The following FAR2 variants were observed in gnomAD, a reference collection of about 807,000 sequenced individuals.
FAR2 encodes epididymis secretory protein Li 81.
FAR2 carries 19 observed loss-of-function variants against 56.0 expected under a neutral mutation model. That is an observed-to-expected ratio of 0.34 (90% confidence interval 0.24 to 0.50). The LOEUF (loss-of-function observed/expected upper bound fraction) is 0.50. Ranked by LOEUF, FAR2 falls within the 20% of genes least tolerant of loss-of-function variation. The pLI is 0.98. For missense variants in FAR2, 508 were observed against 642.2 expected (o/e 0.79, Z 2.26); for synonymous variants, 219 against 218.8 (o/e 1.00, Z -0.01).
chr12:29,307,428 C>G lies in FAR2; in HGVS notation c.546-230C>G, dbSNP rs1949269987. On this transcript the variant is annotated intron_variant, in intron 4 of 11. Transcript: ENST00000536681. ...GCCTGCCTACCTACCTACCTACCTA[C>G]CTATCTGTTTGGATGGGAGGGCATA... Among the ~76,000 whole-genome samples the G allele has an allele frequency of 4.0e-5, 6 of 149,746 alleles. No individual in the cohort carries two copies. The Admixed American group carries it at 4.0e-4, about 10-fold the overall frequency.
At chr12:29,273,567 C>T (rs747619637) in intron 2 of FAR2, among the ~76,000 whole-genome samples, 2 of 152,212 alleles carry the variant, frequency 1.3e-5, no homozygotes, top group African/African-American at 4.8e-5. Context: ...CCTTCCCCTG[C>T]CCAGGGAGCT....
intron 1 of FAR2, among the ~76,000 whole-genome samples, chr12:29,237,974 G>C (rs989803419): frequency 6.6e-6 from 1 of 152,136 alleles, no homozygotes; most frequent in Admixed American, 6.5e-5. Context: ...AATGCACGAT[G>C]TTAAAACATT....
chr12:29,262,684 C>T (rs1242780373), intron 1 of FAR2, among the ~76,000 whole-genome samples: 1 of 151,962 alleles, frequency 6.6e-6, no homozygotes, highest in East Asian at 1.9e-4. Context: ...TTAAATCATA[C>T]AACCAGAGAA....
chr12:29,209,726 G>T (rs1591853395), intron 1 of FAR2, among the ~76,000 whole-genome samples: 1 of 139,320 alleles, frequency 7.2e-6, no homozygotes, highest in South Asian at 2.3e-4. Context: ...GTGTCTGTGT[G>T]TGTAAAAGAA....
chr12:29,229,504 A>T (rs2136649343), intron 1 of FAR2, among the ~76,000 whole-genome samples: 1 of 152,246 alleles, frequency 6.6e-6, no homozygotes, highest in African/African-American at 2.4e-5. Context: ...GTCTGTTTTT[A>T]AAAAAGAAAC....
chr12:29,238,813 C>T (rs904753113), intron 1 of FAR2, among the ~76,000 whole-genome samples: 12 of 152,126 alleles, frequency 7.9e-5, no homozygotes, highest in Admixed American at 4.6e-4. Flanking sequence ...AATAAGCCAA[C>T]TAAGGAAACT....
At chr12:29,312,047 G>A in intron 8 of FAR2, 97 bp downstream of exon 8, 1 of 816,570 alleles carries the variant, frequency 1.2e-6, no homozygotes, top group Non-Finnish European at 2.0e-6. Context: ...TATATGGGGA[G>A]AAAGACAAAA....
Position 29,226,938 on chromosome 12 carries a change from G to A in FAR2, c.-38-43474G>A, listed in dbSNP as rs547104257. Among the ~76,000 whole-genome samples, 5 of 152,266 alleles carry A rather than the reference G, an allele frequency of 3.3e-5. No individual in the cohort carries two copies. In the East Asian group the frequency reaches 9.6e-4, roughly 29 times the overall value. On this transcript the variant is annotated intron_variant, in intron 1 of 11. Coordinates refer to ENST00000536681, the MANE Select transcript of FAR2 (RefSeq NM_001271783.2). ...AAGATGGTAAGCATAACCTGGTGGAGCATTACATAAAACACAATGAGAAGG... is the reference window on the plus strand; with the variant it reads ...AAGATGGTAAGCATAACCTGGTGGAACATTACATAAAACACAATGAGAAGG...
chr12:29,220,196 C>T (rs1947669948), intron 1 of FAR2, among the ~76,000 whole-genome samples: 1 of 152,102 alleles, frequency 6.6e-6, no homozygotes, highest in Admixed American at 6.5e-5. Context: ...TCGTTAAGAC[C>T]TCTTTCACTT....
intron 1 of FAR2, among the ~76,000 whole-genome samples, chr12:29,176,031 G>C (rs556888322): frequency 3.9e-5 from 6 of 152,256 alleles, no homozygotes; most frequent in African/African-American, 1.4e-4. Context: ...AAATTTAAAA[G>C]GTTGGAAATT....
intron 1 of FAR2, among the ~76,000 whole-genome samples, chr12:29,197,130 G>A (rs181060040): frequency 2.6e-5 from 4 of 152,080 alleles, no homozygotes; most frequent in African/African-American, 7.2e-5. Flanking sequence ...ATAGCATAAC[G>A]GTATTATGCT....
At chr12:29,249,791 C>G (rs1264639741) in intron 1 of FAR2, among the ~76,000 whole-genome samples, 1 of 152,146 alleles carries the variant, frequency 6.6e-6, no homozygotes, top group East Asian at 1.9e-4. Flanking sequence ...AGGGGCAACA[C>G]AGGCTTATAT....
At chr12:29,262,234 T>G (rs936944123) in intron 1 of FAR2, among the ~76,000 whole-genome samples, 16 of 152,116 alleles carry the variant, frequency 1.1e-4, no homozygotes, top group Non-Finnish European at 2.4e-4. Context: ...CAATCAGTGT[T>G]AAGTTGTCAT....
intron 1 of FAR2, among the ~76,000 whole-genome samples, chr12:29,220,330 C>T (rs1389395800): frequency 2.0e-5 from 3 of 152,170 alleles, no homozygotes; most frequent in African/African-American, 7.2e-5. Flanking sequence ...TAGTTTCTTT[C>T]CATAAATCAA....
intron 1 of FAR2, among the ~76,000 whole-genome samples, chr12:29,166,468 C>T (rs1296915702): frequency 1.3e-5 from 2 of 152,210 alleles, no homozygotes; most frequent in African/African-American, 2.4e-5. Context: ...AGGAAAGCCT[C>T]TCCTCTTTGG....
chr12:29,297,423 C>T (rs925541795), intron 4 of FAR2, among the ~76,000 whole-genome samples: 2 of 152,086 alleles, frequency 1.3e-5, no homozygotes, highest in African/African-American at 2.4e-5. Flanking sequence ...TGTGGAATTG[C>T]GTAGGATTGC....
At chr12:29,160,953 C>A (rs574368043) in intron 1 of FAR2, among the ~76,000 whole-genome samples, 8 of 151,888 alleles carry the variant, frequency 5.3e-5, no homozygotes, top group Non-Finnish European at 1.2e-4. Context: ...CCCATAACAC[C>A]CAGGAAATTA....
At chr12:29,276,943 C>CA (rs35637703) in intron 2 of FAR2, among the ~76,000 whole-genome samples, 115 of 142,694 alleles carry the variant, frequency 8.1e-4, no homozygotes, top group South Asian at 3.5e-3. Flanking sequence ...AACTCTGTCT[C>CA]AAAAAAAAAA....
At chr12:29,207,655 A>T (rs762435545) in intron 1 of FAR2, among the ~76,000 whole-genome samples, 1 of 151,878 alleles carries the variant, frequency 6.6e-6, no homozygotes, top group Non-Finnish European at 1.5e-5. Context: ...TGATCATATT[A>T]TGGCTAATAT....
Sources: allele counts gnomAD v4.1 joint callset (sites outside exome capture counted in the v4.1 genomes callset), GRCh38; gene constraint gnomAD v4.1.1; transcripts MANE v1.5; gene names NCBI Gene and HGNC (gene_info 2026-07-23, HGNC 2026-07-21).